Variants in NRG3 observed in about 807,000 individuals in gnomAD.
NRG3 encodes the protein pro-neuregulin-3, membrane-bound isoform.
Under a neutral mutation model 66.9 loss-of-function variants are expected in NRG3, and 31 were observed. The observed-to-expected ratio is 0.46, with a 90% confidence interval of 0.35 to 0.63. The LOEUF is 0.63. Among genes scored for constraint, NRG3 ranks in the 20% least tolerant of loss-of-function variants. The pLI is 0.00. For synonymous variants in NRG3, 393 were observed against 359.4 expected (o/e 1.09, Z -1.06); for missense variants, 910 against 878.9 (o/e 1.04, Z -0.45).
chr10:82,262,607 A>G (rs1268455059), intron 1 of NRG3, among the ~76,000 whole-genome samples: 4 of 152,186 alleles, frequency 2.6e-5, no homozygotes, highest in African/African-American at 9.7e-5. Flanking sequence ...ACAATGTGTT[A>G]GGTAATAATC....
At chr10:82,712,840 G>A (rs1202600755) in intron 2 of NRG3, among the ~76,000 whole-genome samples, 2 of 152,078 alleles carry the variant, frequency 1.3e-5, no homozygotes, top group Non-Finnish European at 2.9e-5. Context: ...GAGTAGTGTG[G>A]TTGATAAAGA....
At position 81,915,496 on chromosome 10, in the gene NRG3, G is replaced by GTTTTTTTTT. The variant is rs78693924; in HGVS notation, c.823+39339_823+39347dup. ...GTTAAAGTCAGCTCACACTTCTTTA[G>GTTTTTTTTT]TTTTTTTTTTTTTTGCCAAAACACA... is the stretch of plus-strand genomic sequence containing the variant. On this transcript the variant is annotated intron_variant, in intron 1 of 8. Transcript: ENST00000372141. Among the ~76,000 whole-genome samples the GTTTTTTTTT allele has an allele frequency of 3.5e-3, 463 of 130,702 alleles. 14 individuals are homozygous for GTTTTTTTTT. Among genetic ancestry groups the GTTTTTTTTT allele is most frequent in the African/African-American group, 0.011 (367 of 32,746 alleles). The allele number at this position is 130,702 out of a possible 152,430, so 85.7% of individuals were successfully genotyped here.
At chr10:82,947,874 A>G (rs1849162088) in intron 4 of NRG3, among the ~76,000 whole-genome samples, 1 of 152,020 alleles carries the variant, frequency 6.6e-6, no homozygotes, top group African/African-American at 2.4e-5. Context: ...TTGCCTTTTG[A>G]TTTTCATAAT....
chr10:82,392,465 G>A (rs775840548), intron 2 of NRG3, among the ~76,000 whole-genome samples: 17 of 152,158 alleles, frequency 1.1e-4, no homozygotes, highest in Middle Eastern at 3.2e-3. Flanking sequence ...TTAGGTTAAG[G>A]AAATTATGTA....
At chr10:82,123,542 G>A (rs189034166) in intron 1 of NRG3, among the ~76,000 whole-genome samples, 3 of 152,192 alleles carry the variant, frequency 2.0e-5, no homozygotes, top group African/African-American at 2.4e-5. Context: ...TGCTGAGGAC[G>A]GACACTGGCA....
intron 1 of NRG3, among the ~76,000 whole-genome samples, chr10:81,937,395 A>G (rs1265611797): frequency 1.3e-5 from 2 of 152,134 alleles, no homozygotes; most frequent in African/African-American, 4.8e-5. Flanking sequence ...ACAACAGTGC[A>G]CAAGGGTTCC....
At chr10:82,948,619 A>G (rs770372784) in intron 4 of NRG3, among the ~76,000 whole-genome samples, 1 of 152,084 alleles carries the variant, frequency 6.6e-6, no homozygotes, top group East Asian at 1.9e-4. Flanking sequence ...TCAATGTACA[A>G]GACTTGTGTG....
chr10:82,795,247 G>A (rs2060752023), intron 3 of NRG3, among the ~76,000 whole-genome samples: 1 of 152,174 alleles, frequency 6.6e-6, no homozygotes, highest in Non-Finnish European at 1.5e-5. Flanking sequence ...CACATGTAAT[G>A]TATATAACCT....
At chr10:82,150,492 CA>C (rs1453635340) in intron 1 of NRG3, among the ~76,000 whole-genome samples, 1 of 99,412 alleles carries the variant, frequency 1.0e-5, no homozygotes, top group Non-Finnish European at 1.9e-5. Context: ...TCCTGATTTT[CA>C]AAACCTTGCT....
chr10:82,311,840 AGACCT>A (rs1454593289), intron 1 of NRG3, among the ~76,000 whole-genome samples: 6 of 152,218 alleles, frequency 3.9e-5, no homozygotes, highest in African/African-American at 1.2e-4. Flanking sequence ...AGTAAATGGT[AGACCT>A]GACGTTCATT....
At chr10:82,521,154 G>T (rs570484573) in intron 2 of NRG3, among the ~76,000 whole-genome samples, 1 of 151,940 alleles carries the variant, frequency 6.6e-6, no homozygotes, top group Non-Finnish European at 1.5e-5. Flanking sequence ...CTATACTGTC[G>T]TTTATTAAAT....
chr10:82,719,516 C>A (rs1486957586), intron 2 of NRG3, among the ~76,000 whole-genome samples: 1 of 152,184 alleles, frequency 6.6e-6, no homozygotes, highest in Non-Finnish European at 1.5e-5. Context: ...CTCTCTTGAC[C>A]AACGGCTTTG....
At position 82,469,144 on chromosome 10, in the gene NRG3, C is replaced by T. The variant is rs187772354; in HGVS notation, c.953+110276C>T. Among the ~76,000 whole-genome samples, 703 of 152,234 alleles carry T rather than the reference C, an allele frequency of 4.6e-3. 4 individuals are homozygous for T. The highest frequency in any genetic ancestry group is 0.011 in the Admixed American group (169 of 15,276). On this transcript the variant is annotated intron_variant, in intron 2 of 8. Transcript: ENST00000372141. ...GTTGAGTTCTTTTCATTTTGCTTTTCGAAAATGGTTCTTAAGTGAAAAGAC... is the reference window on the plus strand; with the variant it reads ...GTTGAGTTCTTTTCATTTTGCTTTTTGAAAATGGTTCTTAAGTGAAAAGAC...
At chr10:81,983,762 A>G (rs978562641) in intron 1 of NRG3, among the ~76,000 whole-genome samples, 2 of 152,198 alleles carry the variant, frequency 1.3e-5, no homozygotes, top group South Asian at 2.1e-4. Context: ...TAAGCTTAGT[A>G]TCTTTCTTGT....
intron 1 of NRG3, among the ~76,000 whole-genome samples, chr10:81,878,594 AT>A (rs767816021): frequency 2.0e-5 from 3 of 151,912 alleles, no homozygotes; most frequent in Admixed American, 1.3e-4. Flanking sequence ...TGGTGTTCAT[AT>A]TTTTTTTACT....
At chr10:82,509,939 C>T (rs945622446) in intron 2 of NRG3, among the ~76,000 whole-genome samples, 6 of 152,012 alleles carry the variant, frequency 3.9e-5, no homozygotes, top group African/African-American at 9.7e-5. Flanking sequence ...CCCATTTTTC[C>T]GGGGCCTTTC....
chr10:82,138,014 A>C (rs2069492533), intron 1 of NRG3, among the ~76,000 whole-genome samples: 1 of 152,198 alleles, frequency 6.6e-6, no homozygotes, highest in South Asian at 2.1e-4. Flanking sequence ...TTAAACAAAG[A>C]GAGTAATCAG....
At chr10:82,282,463 T>C (rs1022584869) in intron 1 of NRG3, among the ~76,000 whole-genome samples, 6 of 151,946 alleles carry the variant, frequency 3.9e-5, no homozygotes, top group African/African-American at 1.5e-4. Context: ...TGCGTAGGAC[T>C]CAGGGCAGCA....
intron 1 of NRG3, among the ~76,000 whole-genome samples, chr10:82,271,457 T>G (rs905148164): frequency 3.9e-5 from 6 of 152,150 alleles, no homozygotes; most frequent in African/African-American, 1.4e-4. Context: ...AATAATTGGT[T>G]GTTGTTCTTA....
Sources: gnomAD v4.1 joint callset for allele counts (sites outside exome capture counted in the v4.1 genomes callset) on GRCh38, gnomAD v4.1.1 for gene constraint, MANE v1.5 for transcripts, NCBI Gene and HGNC (gene_info 2026-07-23, HGNC 2026-07-21) for gene names.